The following LRRC4C variants were observed in gnomAD, a reference collection of about 807,000 sequenced individuals.
LRRC4C encodes leucine-rich repeat-containing protein 4C.
Under a neutral mutation model 33.6 loss-of-function variants are expected in LRRC4C, and 5 were observed. That is an observed-to-expected ratio of 0.15 (90% CI 0.08 to 0.31). LRRC4C has a LOEUF of 0.31. Ranked by LOEUF, LRRC4C falls within the 10% of genes least tolerant of loss-of-function variation. The pLI is 1.00. For synonymous variants in LRRC4C, 329 were observed against 302.0 expected, an observed-to-expected ratio of 1.09 and a Z score of -0.93; for missense variants, 560 against 796.7, an observed-to-expected ratio of 0.70 and a Z score of 3.58.
At chr11:40,911,605 G>A (rs1391548030) in intron 2 of LRRC4C, among the ~76,000 whole-genome samples, 2 of 152,128 alleles carry the variant, frequency 1.3e-5, no homozygotes. Context: ...AAACAACAGA[G>A]CAGAAAAACT....
chr11:40,988,320 T>C lies in LRRC4C; in HGVS notation c.-495-54597A>G, dbSNP rs572770301. 3.3e-5 allele frequency among the ~76,000 whole-genome samples: 5 copies of C among 152,300 alleles called. No individual in the cohort carries two copies. In the South Asian group the frequency reaches 1.0e-3, roughly 32 times the overall value. Reference sequence around the variant, plus strand: ...AAAGGTTAGTTGCAAAGGGAGTATGTCTTTTGTCTTTTGTTATAATATGGG... The same window carrying C: ...AAAGGTTAGTTGCAAAGGGAGTATGCCTTTTGTCTTTTGTTATAATATGGG... On this transcript the variant is annotated intron_variant, in intron 1 of 6. Coordinates refer to ENST00000528697, the MANE Select transcript of LRRC4C (RefSeq NM_001258419.2).
intron 1 of LRRC4C, among the ~76,000 whole-genome samples, chr11:41,279,857 A>G (rs1949608336): frequency 6.6e-6 from 1 of 151,392 alleles, no homozygotes; most frequent in South Asian, 2.1e-4. Flanking sequence ...GGCCACATTT[A>G]TTATTATTAT....
chr11:40,430,657 C>A (rs1236533382), intron 3 of LRRC4C, among the ~76,000 whole-genome samples: 1 of 151,996 alleles, frequency 6.6e-6, no homozygotes, highest in Non-Finnish European at 1.5e-5. Context: ...CTTTCTTCTA[C>A]ATATATATAT....
At chr11:40,476,342 C>CTTTCTTTTTTTTTTTTTTTTTTTTT (rs1555074955) in intron 3 of LRRC4C, among the ~76,000 whole-genome samples, 1 of 81,370 alleles carries the variant, frequency 1.2e-5, no homozygotes, top group Non-Finnish European at 2.5e-5. Context: ...TTTTTTTCTT[C>CTTTCTTTTTTTTTTTTTTTTTTTTT]TTTTTTTTTT....
chr11:41,324,175 A>C (rs1199007950), intron 1 of LRRC4C, among the ~76,000 whole-genome samples: 1 of 152,120 alleles, frequency 6.6e-6, no homozygotes, highest in Non-Finnish European at 1.5e-5. Flanking sequence ...TCATGCCTGT[A>C]ATCCCAGCAC....
intron 1 of LRRC4C, among the ~76,000 whole-genome samples, chr11:41,201,818 T>C (rs1479151566): frequency 1.3e-5 from 2 of 152,150 alleles, no homozygotes. Flanking sequence ...GCCACATTGG[T>C]TATGTTTGCT....
chr11:41,101,401 T>C (rs1348183470), intron 1 of LRRC4C, among the ~76,000 whole-genome samples: 1 of 152,034 alleles, frequency 6.6e-6, no homozygotes, highest in Non-Finnish European at 1.5e-5. Context: ...GAAAAAAAGC[T>C]CAGTATCACT....
chr11:40,494,237 C>T (rs534280228), intron 3 of LRRC4C, among the ~76,000 whole-genome samples: 13 of 152,148 alleles, frequency 8.5e-5, no homozygotes, highest in African/African-American at 2.9e-4. Context: ...TGGGATTGAG[C>T]GTGCCGTCTG....
At chr11:40,151,533 A>G (rs549666560) in intron 5 of LRRC4C, among the ~76,000 whole-genome samples, 3 of 152,366 alleles carry the variant, frequency 2.0e-5, no homozygotes, top group South Asian at 4.1e-4. Flanking sequence ...CAAGTCAAGT[A>G]TAATGTTTCT....
intron 1 of LRRC4C, among the ~76,000 whole-genome samples, chr11:41,277,343 C>T (rs1394315669): frequency 2.0e-5 from 3 of 152,094 alleles, no homozygotes; most frequent in Non-Finnish European, 2.9e-5. Context: ...TGCCATTACA[C>T]TCAATTTTTA....
intron 2 of LRRC4C, among the ~76,000 whole-genome samples, chr11:40,767,650 C>T (rs183821933): frequency 4.6e-5 from 7 of 151,880 alleles, no homozygotes; most frequent in Non-Finnish European, 1.0e-4. Context: ...TAAAATAAAA[C>T]TAGAAATAAT....
At chr11:40,635,497 T>C (rs983769184) in intron 3 of LRRC4C, among the ~76,000 whole-genome samples, 5 of 152,222 alleles carry the variant, frequency 3.3e-5, no homozygotes, top group African/African-American at 1.2e-4. Flanking sequence ...GACAGTAGTA[T>C]GTTTACAAAA....
chr11:40,122,794 C>A (rs952352872), intron 6 of LRRC4C, among the ~76,000 whole-genome samples: 1 of 145,604 alleles, frequency 6.9e-6, no homozygotes, highest in Non-Finnish European at 1.5e-5. Flanking sequence ...GTTGCCTACC[C>A]AAACATCCTA....
At chr11:41,019,335 G>T (rs1216440312) in intron 1 of LRRC4C, among the ~76,000 whole-genome samples, 1 of 152,060 alleles carries the variant, frequency 6.6e-6, no homozygotes, top group African/African-American at 2.4e-5. Flanking sequence ...CCATGTACCT[G>T]CAAAGAACAT....
At chr11:40,864,272 T>C (rs1250412433) in intron 2 of LRRC4C, among the ~76,000 whole-genome samples, 1 of 152,068 alleles carries the variant, frequency 6.6e-6, no homozygotes, top group South Asian at 2.1e-4. Context: ...TTTCACTATA[T>C]TGGCCAGGCT....
At chr11:40,972,135 AAT>A (rs1491312055) in intron 1 of LRRC4C, among the ~76,000 whole-genome samples, 1 of 138,712 alleles carries the variant, frequency 7.2e-6, no homozygotes, top group African/African-American at 2.7e-5. Context: ...GGGAAGCCAT[AAT>A]TTTTTTTTTT....
intron 1 of LRRC4C, among the ~76,000 whole-genome samples, chr11:41,233,537 TA>T (rs1305560368): frequency 1.3e-5 from 2 of 152,032 alleles, no homozygotes; most frequent in Non-Finnish European, 1.5e-5. Context: ...CTGCATCACA[TA>T]AAAACGCCTA....
intron 1 of LRRC4C, among the ~76,000 whole-genome samples, chr11:40,947,914 T>C (rs1958482331): frequency 6.6e-6 from 1 of 152,168 alleles, no homozygotes. Context: ...TCTCAGTGTT[T>C]CTCAATTTAA....
At chr11:40,976,647 T>C (rs1393458862) in intron 1 of LRRC4C, among the ~76,000 whole-genome samples, 1 of 152,178 alleles carries the variant, frequency 6.6e-6, no homozygotes, top group Non-Finnish European at 1.5e-5. Flanking sequence ...TTTTGTGGAA[T>C]GGCAGAGGTT....
Sources: allele counts gnomAD v4.1 joint callset (sites outside exome capture counted in the v4.1 genomes callset), GRCh38; gene constraint gnomAD v4.1.1; transcripts MANE v1.5; gene names NCBI Gene and HGNC (gene_info 2026-07-23, HGNC 2026-07-21).